The following SEMA3A variants were observed in gnomAD, a reference collection of about 807,000 sequenced individuals.
SEMA3A encodes the protein semaphorin 3A.
SEMA3A carries 29 observed loss-of-function variants against 97.9 expected under a neutral mutation model. That is an observed-to-expected ratio of 0.30 (90% CI 0.22 to 0.40). SEMA3A has a LOEUF of 0.40. SEMA3A is among the 10% of genes least tolerant of loss of function. The pLI is 1.00. For synonymous variants in SEMA3A, 321 were observed against 323.7 expected (o/e 0.99, Z 0.09); for missense variants, 763 against 951.3 (o/e 0.80, Z 2.60).
At chr7:84,055,065 A>C (rs1157708999) in intron 5 of SEMA3A, among the ~76,000 whole-genome samples, 3 of 151,966 alleles carry the variant, frequency 2.0e-5, no homozygotes, top group Non-Finnish European at 4.4e-5. Context: ...GCCCGTTCTC[A>C]GATCTCCAGC....
chr7:84,479,466 A>T (rs117975677), intron 1 of SEMA3A, among the ~76,000 whole-genome samples: 2 of 152,330 alleles, frequency 1.3e-5, no homozygotes, highest in East Asian at 3.9e-4. Context: ...TGTGTTGCAC[A>T]CAAAAATGTA....
intron 2 of SEMA3A, among the ~76,000 whole-genome samples, chr7:84,338,961 G>C (rs779057726): frequency 6.6e-6 from 1 of 152,102 alleles, no homozygotes; most frequent in Admixed American, 6.6e-5. Context: ...TCAGAAGTGA[G>C]GTTTTACTTG....
intron 1 of SEMA3A, among the ~76,000 whole-genome samples, chr7:84,168,797 G>T (rs1158096986): frequency 1.3e-5 from 2 of 151,552 alleles, no homozygotes; most frequent in Non-Finnish European, 3.0e-5. Context: ...GAACATATGA[G>T]GTTTTTTTAT....
intron 4 of SEMA3A, among the ~76,000 whole-genome samples, chr7:84,109,788 A>G (rs1795221185): frequency 1.3e-5 from 2 of 152,224 alleles, no homozygotes; most frequent in Non-Finnish European, 2.9e-5. Flanking sequence ...AAAAATTACA[A>G]GAGGGTTTAT....
At chr7:84,334,397 T>C (rs1285478431) in intron 2 of SEMA3A, among the ~76,000 whole-genome samples, 3 of 152,182 alleles carry the variant, frequency 2.0e-5, no homozygotes, top group Admixed American at 6.6e-5. Flanking sequence ...TGAGATTTTA[T>C]GGATTAGAAA....
At chr7:84,149,609 AT>A (rs1796567704) in intron 1 of SEMA3A, among the ~76,000 whole-genome samples, 1 of 152,224 alleles carries the variant, frequency 6.6e-6, no homozygotes, top group South Asian at 2.1e-4. Flanking sequence ...CCTCTTATAG[AT>A]TGGGCAAAAA....
chr7:84,401,628 T>C (rs1445813972), intron 1 of SEMA3A, among the ~76,000 whole-genome samples: 3 of 152,008 alleles, frequency 2.0e-5, no homozygotes, highest in Non-Finnish European at 4.4e-5. Flanking sequence ...GCTATAGTAA[T>C]GAAAACAGCA....
intron 3 of SEMA3A, among the ~76,000 whole-genome samples, chr7:84,262,779 C>T (rs944312448): frequency 6.6e-6 from 1 of 152,104 alleles, no homozygotes; most frequent in Non-Finnish European, 1.5e-5. Flanking sequence ...TAATGTTTGG[C>T]AAATACCTAA....
At chr7:84,326,770 G>A (rs949775571) in intron 2 of SEMA3A, among the ~76,000 whole-genome samples, 33 of 152,058 alleles carry the variant, frequency 2.2e-4, no homozygotes, top group African/African-American at 7.5e-4. Context: ...CTAGCCATAT[G>A]CAGTAGACTG....
intron 1 of SEMA3A, among the ~76,000 whole-genome samples, chr7:84,452,578 C>G (rs1028626482): frequency 1.3e-5 from 2 of 152,034 alleles, no homozygotes; most frequent in Non-Finnish European, 2.9e-5. Context: ...CCTTTTTTAT[C>G]GGCTCTCAGC....
At position 84,121,638 on chromosome 7, in the gene SEMA3A, C is replaced by CTTTTTTT. The variant is rs35808952; in HGVS notation, c.333+7478_333+7484dup. ...ATGGATATTTGGGTTGGTTCCAAGTCTTTTTTTTTTTTTTTTTTGAGACGG... is the reference window on the plus strand; with the variant it reads ...ATGGATATTTGGGTTGGTTCCAAGTCTTTTTTTTTTTTTTTTTTTTTTTTTGAGACGG... On this transcript the variant is annotated intron_variant, in intron 3 of 16. Transcript: ENST00000265362. Among the ~76,000 whole-genome samples, 4 of 12,858 alleles carry CTTTTTTT rather than the reference C, an allele frequency of 3.1e-4. 2 individuals carry two copies. The highest frequency in any genetic ancestry group is 1.6e-3 in the African/African-American group (4 of 2,578). 8.4% of individuals were successfully genotyped at this position (12,858 alleles called of 152,430 possible).
At position 84,287,341 on chromosome 7, in the gene SEMA3A, A is replaced by T. The variant is rs112313821; in HGVS notation, c.-83+19866T>A. 3.9e-5 allele frequency among the ~76,000 whole-genome samples: 6 copies of T among 152,268 alleles called. 1 individual carries two copies. The highest frequency in any genetic ancestry group is 1.2e-4 in the African/African-American group (5 of 41,592). ...ATCAAAAAACATCACTCCCATTTTT[A>T]AAAATTTTTCCTTACTCTTAAGGCA... is the stretch of plus-strand genomic sequence containing the variant. On this transcript the variant is annotated intron_variant, in intron 3 of 3. Transcript: ENST00000424555.
intron 6 of SEMA3A, among the ~76,000 whole-genome samples, chr7:84,014,784 A>G (rs756168637): frequency 6.6e-6 from 1 of 152,116 alleles, no homozygotes; most frequent in African/African-American, 2.4e-5. Flanking sequence ...GGCAGGGAAA[A>G]GTGAAATCCG....
intron 8 of SEMA3A, 28 bp from the exon 9 acceptor site, chr7:84,011,119 T>C (rs1463854893): frequency 6.2e-7 from 1 of 1,604,628 alleles, no homozygotes; most frequent in Non-Finnish European, 8.5e-7. Flanking sequence ...TGGAGAAAGT[T>C]GCTTTTTTAT....
intron 1 of SEMA3A, among the ~76,000 whole-genome samples, chr7:84,169,656 T>C (rs149223809): frequency 9.2e-5 from 14 of 151,520 alleles, no homozygotes; most frequent in Non-Finnish European, 1.8e-4. Flanking sequence ...AAAAACCAAA[T>C]ACCATTTCTT....
chr7:84,358,164 G>T (rs535889280), intron 2 of SEMA3A, among the ~76,000 whole-genome samples: 45 of 152,222 alleles, frequency 3.0e-4, no homozygotes, highest in African/African-American at 8.7e-4. Context: ...GTCAATTTTG[G>T]CTTTTGTTAC....
intron 3 of SEMA3A, among the ~76,000 whole-genome samples, chr7:84,268,951 C>T (rs868211624): frequency 6.6e-5 from 10 of 152,110 alleles, no homozygotes; most frequent in Non-Finnish European, 1.3e-4. Flanking sequence ...ACAGTGACTC[C>T]TCCTCCTGCT....
At chr7:84,403,124 G>A (rs564748950) in intron 1 of SEMA3A, among the ~76,000 whole-genome samples, 18 of 152,228 alleles carry the variant, frequency 1.2e-4, no homozygotes, top group Admixed American at 1.0e-3. Context: ...AAGCATGAGG[G>A]ATCAGGGAAT....
chr7:84,063,146 C>T (rs202219285), intron 4 of SEMA3A, among the ~76,000 whole-genome samples: 1 of 151,416 alleles, frequency 6.6e-6, no homozygotes, highest in African/African-American at 2.4e-5. Flanking sequence ...GAGGCACCCC[C>T]AAGCAGGGGC....
Sources: allele counts gnomAD v4.1 joint callset (sites outside exome capture counted in the v4.1 genomes callset), GRCh38; gene constraint gnomAD v4.1.1; transcripts MANE v1.5; gene names NCBI Gene and HGNC (gene_info 2026-07-23, HGNC 2026-07-21).